PSMB1: variants seen among roughly 807,000 people sequenced by gnomAD.
PSMB1 encodes proteasome subunit beta type-1.
Under a neutral mutation model 25.4 loss-of-function variants are expected in PSMB1, and 7 were observed. That is an observed-to-expected ratio of 0.28 (90% CI 0.16 to 0.52). PSMB1 has a LOEUF of 0.52. Among genes scored for constraint, PSMB1 ranks in the 20% least tolerant of loss-of-function variants. The pLI is 0.97. For synonymous variants in PSMB1, 119 were observed against 115.0 expected, an observed-to-expected ratio of 1.03 and a Z score of -0.22; for missense variants, 284 against 302.2, an observed-to-expected ratio of 0.94 and a Z score of 0.45.
At chr6:170,542,627 T>A (rs550368942) in intron 4 of PSMB1, among the ~76,000 whole-genome samples, 4 of 152,190 alleles carry the variant, frequency 2.6e-5, no homozygotes, top group Non-Finnish European at 5.9e-5. Context: ...CTTGGACACA[T>A]CTTTTCCTGC....
chr6:170,546,451 A>G (rs1452755079), intron 2 of PSMB1, among the ~76,000 whole-genome samples: 1 of 152,134 alleles, frequency 6.6e-6, no homozygotes. Flanking sequence ...GGGCTGAGGA[A>G]GATACGTAGG....
chr6:170,536,404 A>G, intron 5 of PSMB1: 1 of 452,738 alleles, frequency 2.2e-6, no homozygotes, highest in Non-Finnish European at 4.4e-6. Flanking sequence ...TTAAATAACA[A>G]GTGGCCCAAA....
intron 2 of PSMB1, 117 bp from the exon 3 acceptor site, chr6:170,546,301 A>G (rs17860774): frequency 0.049 from 37,946 of 768,030 alleles, 1,233 homozygotes; most frequent in African/African-American, 0.098. Context: ...TAATGGGACA[A>G]ACAGTCACCC....
intron 1 of PSMB1, 179 bp from the exon 2 acceptor site, chr6:170,549,292 G>A: frequency 4.1e-6 from 2 of 488,284 alleles, no homozygotes; most frequent in South Asian, 3.5e-5. Flanking sequence ...AGTTGTCTGG[G>A]AAAAAAAAAT....
chr6:170,553,212 G>C lies in PSMB1; in HGVS notation c.31C>G (p.Pro11Ala), dbSNP rs12717. MLSSTAMYSA[P>A]GRDLGMEPHR... ...GGTTCCATCCCCAAGTCTCTGCCAGGAGCCGAATACATGGCTGTAGAGGAC... is the reference window on the plus strand; with the variant it reads ...GGTTCCATCCCCAAGTCTCTGCCAGCAGCCGAATACATGGCTGTAGAGGAC... Residue 11 changes from proline (P) to alanine (A), a missense_variant, in exon 1 of 6, where the codon CCT (proline) becomes GCT (alanine). Transcript: ENST00000262193. 656,674 of 1,611,798 alleles carry C rather than the reference G, an allele frequency of 0.41. 138,280 individuals carry two copies. The highest frequency in any genetic ancestry group is 0.78 in the East Asian group (35,049 of 44,820).
intron 1 of PSMB1, among the ~76,000 whole-genome samples, chr6:170,550,791 T>C (rs1374387351): frequency 6.6e-6 from 1 of 151,278 alleles, no homozygotes; most frequent in Non-Finnish European, 1.5e-5. Flanking sequence ...AATTATGACA[T>C]CCAAGATTTA....
intron 2 of PSMB1, among the ~76,000 whole-genome samples, chr6:170,548,490 C>T (rs895258348): frequency 4.7e-5 from 7 of 150,110 alleles, no homozygotes; most frequent in Admixed American, 2.0e-4. Flanking sequence ...ATTTCTAAAA[C>T]GAATGTTTCA....
intron 5 of PSMB1, chr6:170,536,368 T>G (rs911256687): frequency 2.7e-5 from 12 of 447,350 alleles, no homozygotes; most frequent in Non-Finnish European, 4.0e-5. Context: ...TGTTTTTCAT[T>G]GTGTTTAGTG....
intron 1 of PSMB1, 93 bp from the exon 2 acceptor site, chr6:170,549,206 C>T (rs764989507): frequency 2.5e-5 from 15 of 593,154 alleles, no homozygotes; most frequent in Non-Finnish European, 3.4e-5. Flanking sequence ...GGATAAAATA[C>T]TCTAGATGTC....
At chr6:170,551,550 A>T (rs1778901998) in intron 1 of PSMB1, among the ~76,000 whole-genome samples, 1 of 152,214 alleles carries the variant, frequency 6.6e-6, no homozygotes, top group Non-Finnish European at 1.5e-5. Flanking sequence ...CTGGATTACA[A>T]GGGATTAAAA....
intron 4 of PSMB1, among the ~76,000 whole-genome samples, chr6:170,538,569 C>T (rs1313083938): frequency 2.0e-5 from 3 of 152,138 alleles, no homozygotes; most frequent in South Asian, 4.1e-4. Flanking sequence ...CATGGTGGCA[C>T]GTGCCTCTAT....
chr6:170,538,033 A>G (rs1430108178), intron 4 of PSMB1, among the ~76,000 whole-genome samples: 3 of 152,232 alleles, frequency 2.0e-5, no homozygotes, highest in African/African-American at 7.2e-5. Flanking sequence ...CTTTTGTTTA[A>G]AAGAATAAGA....
intron 4 of PSMB1, among the ~76,000 whole-genome samples, chr6:170,543,035 T>C (rs1469167621): frequency 6.6e-6 from 1 of 152,066 alleles, no homozygotes; most frequent in Non-Finnish European, 1.5e-5. Context: ...ATTGGAACAT[T>C]TGGATGGAAA....
At chr6:170,546,314 C>T in intron 2 of PSMB1, 130 bp from the exon 3 acceptor site, 2 of 708,216 alleles carry the variant, frequency 2.8e-6, no homozygotes, top group South Asian at 3.4e-5. Flanking sequence ...AGTCACCCTT[C>T]TGGGGAGGAG....
intron 5 of PSMB1, chr6:170,536,508 A>G (rs1390982866): frequency 2.2e-6 from 1 of 456,324 alleles, no homozygotes; most frequent in South Asian, 1.5e-5. Flanking sequence ...TATGTACTGT[A>G]GATTGAGGTC....
At chr6:170,549,169 T>A (rs917132954) in intron 1 of PSMB1, 56 bp from the exon 2 acceptor site, 2 of 985,942 alleles carry the variant, frequency 2.0e-6, no homozygotes, top group Non-Finnish European at 3.2e-6. Context: ...TCCCTACAAA[T>A]AGAAGAATGC....
chr6:170,542,538 T>C (rs1461132076), intron 4 of PSMB1, among the ~76,000 whole-genome samples: 4 of 152,242 alleles, frequency 2.6e-5, no homozygotes, highest in African/African-American at 9.6e-5. Context: ...CACTGAGAAA[T>C]TACCCCTGTT....
chr6:170,537,372 G>A, intron 4 of PSMB1, 32 bp from the exon 5 acceptor site: 1 of 1,524,702 alleles, frequency 6.6e-7, no homozygotes, highest in Non-Finnish European at 9.1e-7. Context: ...CATAAGGATG[G>A]TATCCAATCA....
In PSMB1 at chr6:170,545,037, G is replaced by A. The variant is rs891469455; in HGVS notation, c.303+1066C>T. Among the ~76,000 whole-genome samples, 11 of 151,816 alleles carry A rather than the reference G, an allele frequency of 7.2e-5. No homozygotes were observed. In the South Asian group the frequency reaches 8.3e-4, roughly 11 times the overall value. On this transcript the variant is annotated intron_variant, in intron 3 of 5. Transcript: ENST00000262193. Reference sequence around the variant, plus strand: ...CAGGTGCCTGTAATCTCAGCTACTCGGGAGGCTGTGGCAGGATAATCACTT... The same window carrying A: ...CAGGTGCCTGTAATCTCAGCTACTCAGGAGGCTGTGGCAGGATAATCACTT...
Sources: gnomAD v4.1 joint callset for allele counts (sites outside exome capture counted in the v4.1 genomes callset) on GRCh38, gnomAD v4.1.1 for gene constraint, MANE v1.5 for transcripts, NCBI Gene and HGNC (gene_info 2026-07-23, HGNC 2026-07-21) for gene names.